The following TMC1 variants were observed in gnomAD, a reference collection of about 807,000 sequenced individuals.
The protein encoded by TMC1 is transmembrane channel like 1.
In TMC1, 84 loss-of-function variants were observed where a neutral mutation model predicts 105.8. That is an observed-to-expected ratio of 0.79 (90% CI 0.67 to 0.95). The LOEUF is 0.95. Ranked by LOEUF, TMC1 falls within the 40% of genes least tolerant of loss-of-function variation. The pLI is 0.00. For missense variants in TMC1, 817 were observed against 914.1 expected (o/e 0.89, Z 1.37); for synonymous variants, 315 against 311.5 (o/e 1.01, Z -0.12).
intron 12 of TMC1, among the ~76,000 whole-genome samples, chr9:72,756,682 A>G (rs564160750): frequency 3.3e-5 from 5 of 152,238 alleles, no homozygotes; most frequent in Non-Finnish European, 7.3e-5. Context: ...TTTTTAAGGC[A>G]TAGCAGAGAA....
Position 72,700,474 on chromosome 9 carries a change from G to A in TMC1, c.237-44G>A, listed in dbSNP as rs117344485. 5,498 of 1,511,438 alleles carry A rather than the reference G, an allele frequency of 3.6e-3. 19 individuals carry two copies. The highest frequency in any genetic ancestry group is 3.5e-3 in the Non-Finnish European group (3,855 of 1,116,804). 93.6% of individuals were successfully genotyped at this position (1,511,438 alleles called of 1,614,324 possible). On this transcript the variant is annotated intron_variant, in intron 7 of 23. Coordinates refer to ENST00000297784, the MANE Select transcript of TMC1 (RefSeq NM_138691.3). ...TGCCTTCCTTAAGTTCCAAAGTCAA[G>A]CAAAGCTTAACTTTATTAAGGTGTT... is the stretch of plus-strand genomic sequence containing the variant.
chr9:72,743,598 A>G (rs959285616), intron 10 of TMC1, among the ~76,000 whole-genome samples: 3 of 149,164 alleles, frequency 2.0e-5, no homozygotes, highest in Non-Finnish European at 3.0e-5. Flanking sequence ...AAGAAAGAAA[A>G]AAAACGAAGT....
At position 72,701,415 on chromosome 9, in the gene TMC1, GCCC is replaced by G. The variant is rs1435637764; in HGVS notation, c.362+773_362+775del. Among the ~76,000 whole-genome samples, 6 of 152,172 alleles carry G rather than the reference GCCC, an allele frequency of 3.9e-5. No individual in the cohort carries two copies. In the East Asian group the frequency reaches 1.2e-3, roughly 29 times the overall value. On this transcript the variant is annotated intron_variant, in intron 8 of 23. Coordinates refer to ENST00000297784, the MANE Select transcript of TMC1 (RefSeq NM_138691.3). ...CCTGAGGATCACACTATATTTCCCTGCCCTGGTGGTTGGGAGAGGAGGAAAGGG... is the reference window on the plus strand; with the variant it reads ...CCTGAGGATCACACTATATTTCCCTGTGGTGGTTGGGAGAGGAGGAAAGGG...
chr9:72,806,420 C>T (rs1489386365), intron 18 of TMC1, among the ~76,000 whole-genome samples: 1 of 151,316 alleles, frequency 6.6e-6, no homozygotes, highest in African/African-American at 2.4e-5. Flanking sequence ...ACCTCCCTCC[C>T]GGACGGGGTG....
chr9:72,756,878 C>T (rs1450787491), intron 12 of TMC1, among the ~76,000 whole-genome samples: 1 of 152,090 alleles, frequency 6.6e-6, no homozygotes, highest in East Asian at 1.9e-4. Flanking sequence ...AAGAGAGTTA[C>T]TAATGAGTGG....
At chr9:72,712,965 T>A (rs1356347040) in intron 8 of TMC1, among the ~76,000 whole-genome samples, 1 of 152,230 alleles carries the variant, frequency 6.6e-6, no homozygotes, top group African/African-American at 2.4e-5. Context: ...CCTAGTTTAT[T>A]GAGAGTTTTT....
At chr9:72,768,572 C>G (rs1037915931) in intron 12 of TMC1, among the ~76,000 whole-genome samples, 1 of 151,966 alleles carries the variant, frequency 6.6e-6, no homozygotes, top group Non-Finnish European at 1.5e-5. Flanking sequence ...ACTGCAGAAA[C>G]CTTTGTGAAC....
intron 1 of TMC1, among the ~76,000 whole-genome samples, chr9:72,566,539 A>AGAATGGAGG (rs2132084848): frequency 6.6e-6 from 1 of 152,300 alleles, no homozygotes; most frequent in East Asian, 1.9e-4. Flanking sequence ...AAAATGGACC[A>AGAATGGAGG]CAGAGGTTCA....
At chr9:72,818,705 G>C (rs372422452) in intron 19 of TMC1, 1 of 152,286 alleles carries the variant, frequency 6.6e-6, no homozygotes. Context: ...TAAGGCTAAA[G>C]TGTTACAATG....
chr9:72,807,090 C>A (rs34412645), intron 18 of TMC1, among the ~76,000 whole-genome samples: 7 of 152,178 alleles, frequency 4.6e-5, no homozygotes, highest in African/African-American at 1.7e-4. Flanking sequence ...AGCGAAACCC[C>A]GTCTCCACCA....
At chr9:72,779,508 C>T (rs1219696630) in intron 13 of TMC1, among the ~76,000 whole-genome samples, 6 of 152,038 alleles carry the variant, frequency 3.9e-5, no homozygotes, top group Non-Finnish European at 7.4e-5. Flanking sequence ...ATACGATGAA[C>T]CTAAGAATCC....
chr9:72,681,766 T>A (rs1328200443), intron 5 of TMC1, among the ~76,000 whole-genome samples: 1 of 152,198 alleles, frequency 6.6e-6, no homozygotes, highest in Non-Finnish European at 1.5e-5. Flanking sequence ...TTGAGTAGAT[T>A]TTCTATTTTT....
chr9:72,817,425 C>T (rs1395186476), intron 19 of TMC1: 1 of 152,098 alleles, frequency 6.6e-6, no homozygotes, highest in Non-Finnish European at 1.5e-5. Context: ...GCCCGAGGAA[C>T]GTCTACTGAC....
At chr9:72,669,125 G>A (rs12003779) in intron 5 of TMC1, among the ~76,000 whole-genome samples, 15,473 of 152,160 alleles carry the variant, frequency 0.1, 822 homozygotes, top group Non-Finnish European at 0.13. Context: ...GGCCAATATG[G>A]TGAAACCCTG....
chr9:72,695,546 C>T (rs1331259448), intron 7 of TMC1, among the ~76,000 whole-genome samples: 3 of 152,018 alleles, frequency 2.0e-5, no homozygotes, highest in African/African-American at 7.2e-5. Flanking sequence ...TAGGGCCATG[C>T]GAGTCGCCAT....
At chr9:72,799,831 G>T (rs1238261415) in intron 17 of TMC1, among the ~76,000 whole-genome samples, 1 of 152,154 alleles carries the variant, frequency 6.6e-6, no homozygotes, top group Non-Finnish European at 1.5e-5. Flanking sequence ...TTAAGTTAAA[G>T]ATCTCAGCTT....
At chr9:72,781,018 C>T (rs1828086938) in intron 13 of TMC1, among the ~76,000 whole-genome samples, 1 of 151,992 alleles carries the variant, frequency 6.6e-6, no homozygotes, top group Non-Finnish European at 1.5e-5. Context: ...AATATACATT[C>T]TTCTTATCTG....
At chr9:72,527,060 G>A (rs1164855768) in intron 1 of TMC1, among the ~76,000 whole-genome samples, 1 of 152,164 alleles carries the variant, frequency 6.6e-6, no homozygotes, top group Non-Finnish European at 1.5e-5. Context: ...ATGGGGTTCC[G>A]CTGGGCATGT....
intron 20 of TMC1, among the ~76,000 whole-genome samples, chr9:72,822,199 G>C (rs1828885739): frequency 1.3e-5 from 2 of 152,150 alleles, no homozygotes; most frequent in Non-Finnish European, 2.9e-5. Context: ...TGATTCACTG[G>C]CCAGCATGCA....
Sources: gnomAD v4.1 joint callset for allele counts (sites outside exome capture counted in the v4.1 genomes callset) on GRCh38, gnomAD v4.1.1 for gene constraint, MANE v1.5 for transcripts, NCBI Gene and HGNC (gene_info 2026-07-23, HGNC 2026-07-21) for gene names.